ARB2A: variants seen among roughly 807,000 people sequenced by gnomAD.
ARB2A encodes cotranscriptional regulator ARB2A.
the ARB2A span, among the ~76,000 whole-genome samples, chr5:93,955,737 T>TA: frequency 2.4e-4 from 37 of 152,274 alleles, no homozygotes; most frequent in African/African-American, 8.9e-4. Context: ...CTGAGAAATA[T>TA]AAATAAACCC....
the ARB2A span, chr5:93,964,555 C>A: frequency 1.4e-6 from 2 of 1,452,580 alleles, no homozygotes; most frequent in Non-Finnish European, 1.9e-6. Context: ...CATTAAGATC[C>A]AATGTCATCC....
chr5:93,768,300 A>T, the ARB2A span, among the ~76,000 whole-genome samples: 1 of 151,572 alleles, frequency 6.6e-6, no homozygotes, highest in African/African-American at 2.4e-5. Flanking sequence ...ACCACTAAAG[A>T]ACTTACTCAT....
the ARB2A span, among the ~76,000 whole-genome samples, chr5:93,638,666 A>T: frequency 7.4e-6 from 1 of 135,046 alleles, no homozygotes; most frequent in African/African-American, 3.0e-5. Context: ...ACAAAAATAC[A>T]AAAAAAAAAA....
At chr5:93,704,019 G>A in the ARB2A span, among the ~76,000 whole-genome samples, 7 of 152,140 alleles carry the variant, frequency 4.6e-5, no homozygotes, top group Non-Finnish European at 8.8e-5. Context: ...GTTAAAGGTC[G>A]AGAGGCAGTA....
chr5:93,995,620 T>C, the ARB2A span, among the ~76,000 whole-genome samples: 1 of 152,158 alleles, frequency 6.6e-6, no homozygotes. Flanking sequence ...GGCATCAAGT[T>C]ATAGGCAGAT....
chr5:94,064,498 T>C, the ARB2A span, among the ~76,000 whole-genome samples: 1 of 152,084 alleles, frequency 6.6e-6, no homozygotes, highest in African/African-American at 2.4e-5. Flanking sequence ...AGCACATAAA[T>C]CCCCAATCAA....
At chr5:93,954,167 T>C in the ARB2A span, among the ~76,000 whole-genome samples, 1 of 152,118 alleles carries the variant, frequency 6.6e-6, no homozygotes, top group African/African-American at 2.4e-5. Context: ...CCCCTTTATT[T>C]TTCCCCCTGC....
the ARB2A span, among the ~76,000 whole-genome samples, chr5:93,940,337 CAA>C: frequency 1.2e-4 from 18 of 151,942 alleles, no homozygotes; most frequent in Non-Finnish European, 2.1e-4. Flanking sequence ...TCTAGAAAAA[CAA>C]AAGAGTATAC....
chr5:93,960,355 T>C, the ARB2A span, among the ~76,000 whole-genome samples: 27 of 152,146 alleles, frequency 1.8e-4, no homozygotes, highest in African/African-American at 4.8e-4. Context: ...TCCAAACATG[T>C]CCCGAGAATT....
the ARB2A span, among the ~76,000 whole-genome samples, chr5:93,873,290 T>C: frequency 6.6e-5 from 1 of 15,186 alleles, no homozygotes; most frequent in Non-Finnish European, 1.3e-4. Context: ...AGACCCTGTC[T>C]CAAAAAAAAA....
the ARB2A span, among the ~76,000 whole-genome samples, chr5:93,880,597 C>T: frequency 6.6e-6 from 1 of 151,592 alleles, no homozygotes; most frequent in Non-Finnish European, 1.5e-5. Flanking sequence ...TTTTTCTTAA[C>T]CCGTAGCATT....
the ARB2A span, among the ~76,000 whole-genome samples, chr5:93,660,029 G>GT: frequency 5.8e-3 from 833 of 143,964 alleles, no homozygotes; most frequent in African/African-American, 7.2e-3. Flanking sequence ...ATAGAATAGA[G>GT]TTTTTTTTTT....
chr5:94,072,127 T>A, the ARB2A span, among the ~76,000 whole-genome samples: 681 of 152,234 alleles, frequency 4.5e-3, 5 homozygotes, highest in Middle Eastern at 0.01. Flanking sequence ...AAAAATTACA[T>A]ACCTTATGAT....
the ARB2A span, among the ~76,000 whole-genome samples, chr5:93,781,693 T>C: frequency 2.0e-5 from 3 of 151,526 alleles, no homozygotes; most frequent in South Asian, 4.2e-4. Flanking sequence ...AACATCTGTT[T>C]TTTTTTTTTT....
the ARB2A span, among the ~76,000 whole-genome samples, chr5:93,785,076 T>A: frequency 0.71 from 108,499 of 152,146 alleles, 40,646 homozygotes; most frequent in South Asian, 0.87. Flanking sequence ...TTGGCAAACA[T>A]TATATTTTAT....
chr5:93,849,193 G>A, the ARB2A span, among the ~76,000 whole-genome samples: 1 of 152,036 alleles, frequency 6.6e-6, no homozygotes, highest in Admixed American at 6.6e-5. Context: ...GCCAAACCTT[G>A]GGGGTCTTAG....
the ARB2A span, among the ~76,000 whole-genome samples, chr5:93,691,878 C>G: frequency 6.6e-6 from 1 of 152,172 alleles, no homozygotes; most frequent in Non-Finnish European, 1.5e-5. Flanking sequence ...ATTCAACACT[C>G]TTAAATGAAA....
At chr5:93,714,568 T>C in the ARB2A span, among the ~76,000 whole-genome samples, 1 of 152,232 alleles carries the variant, frequency 6.6e-6, no homozygotes, top group Non-Finnish European at 1.5e-5. Context: ...AGATGATTTT[T>C]AGTTTGAACC....
At chr5:94,013,173 GTTTTT>G in the ARB2A span, among the ~76,000 whole-genome samples, 1 of 112,540 alleles carries the variant, frequency 8.9e-6, no homozygotes, top group African/African-American at 3.3e-5. Flanking sequence ...TCAGTAAGTT[GTTTTT>G]TTTTTTTTTT....
Sources: gnomAD v4.1 joint callset for allele counts (sites outside exome capture counted in the v4.1 genomes callset) on GRCh38, gnomAD v4.1.1 for gene constraint, MANE v1.5 for transcripts, NCBI Gene and HGNC (gene_info 2026-07-23, HGNC 2026-07-21) for gene names.